MTMR7: variants seen among roughly 807,000 people sequenced by gnomAD.
MTMR7 encodes the protein myotubularin related protein 7, also known as phosphatidylinositol-3-phosphate phosphatase MTMR7.
MTMR7 carries 76 observed loss-of-function variants against 81.2 expected under a neutral mutation model. That is an observed-to-expected ratio of 0.94 (90% CI 0.78 to 1.13). MTMR7 has a LOEUF of 1.13. Among genes scored for constraint, MTMR7 ranks in the 50% most tolerant of loss-of-function variants. The probability of loss-of-function intolerance (pLI) is 0.00; values close to 1 mark genes in which losing one functional copy is unlikely to be tolerated. For missense variants in MTMR7, 1,044 were observed against 820.0 expected (o/e 1.27, Z -3.34); for synonymous variants, 372 against 289.8 (o/e 1.28, Z -2.88).
intron 6 of MTMR7, among the ~76,000 whole-genome samples, chr8:17,332,524 G>A (rs146616681): frequency 5.9e-5 from 9 of 152,300 alleles, no homozygotes; most frequent in African/African-American, 1.9e-4. Flanking sequence ...ATGCTCTGAG[G>A]CTTACGATGG....
intron 7 of MTMR7, among the ~76,000 whole-genome samples, chr8:17,314,812 G>A (rs1191397910): frequency 6.6e-6 from 1 of 152,138 alleles, no homozygotes; most frequent in Non-Finnish European, 1.5e-5. Flanking sequence ...ATATGCAGTC[G>A]GTGAAGGGAC....
chr8:17,303,971 C>A (rs1033074453), intron 12 of MTMR7, among the ~76,000 whole-genome samples: 1 of 152,162 alleles, frequency 6.6e-6, no homozygotes, highest in African/African-American at 2.4e-5. Context: ...AAAGTAATTG[C>A]GGTTTTTGCC....
intron 7 of MTMR7, among the ~76,000 whole-genome samples, chr8:17,315,281 C>T (rs1005344303): frequency 6.6e-6 from 1 of 151,964 alleles, no homozygotes; most frequent in South Asian, 2.1e-4. Flanking sequence ...ATATGACCTC[C>T]TAGAAAAGGC....
At chr8:17,343,437 AAG>A (rs555095639) in intron 5 of MTMR7, among the ~76,000 whole-genome samples, 31 of 152,294 alleles carry the variant, frequency 2.0e-4, no homozygotes, top group African/African-American at 6.7e-4. Context: ...CGAAAAAAAA[AAG>A]AAATATTAGT....
intron 1 of MTMR7, among the ~76,000 whole-genome samples, chr8:17,399,343 C>T (rs1585122936): frequency 6.6e-6 from 1 of 151,972 alleles, no homozygotes; most frequent in East Asian, 1.9e-4. Context: ...CAACAGTGAA[C>T]AATGTGAAAA....
intron 7 of MTMR7, among the ~76,000 whole-genome samples, chr8:17,330,010 T>G (rs570974826): frequency 6.6e-6 from 1 of 152,214 alleles, no homozygotes; most frequent in African/African-American, 2.4e-5. Flanking sequence ...ATAGAAAGTA[T>G]TGGCCTAATC....
chr8:17,408,854 T>C (rs1037901400), intron 1 of MTMR7, among the ~76,000 whole-genome samples: 4 of 152,168 alleles, frequency 2.6e-5, no homozygotes, highest in African/African-American at 9.6e-5. Flanking sequence ...TACTAATGGA[T>C]TTCTTTTGGG....
intron 7 of MTMR7, among the ~76,000 whole-genome samples, chr8:17,330,102 A>C (rs1320932895): frequency 1.3e-5 from 2 of 152,216 alleles, no homozygotes; most frequent in East Asian, 1.9e-4. Context: ...GATGAACCAG[A>C]AAGTCCAGGA....
At chr8:17,332,183 T>C (rs1208724479) in intron 6 of MTMR7, among the ~76,000 whole-genome samples, 1 of 152,094 alleles carries the variant, frequency 6.6e-6, no homozygotes, top group Admixed American at 6.5e-5. Flanking sequence ...ACAGGAGGGC[T>C]AACCCAGGCA....
intron 5 of MTMR7, among the ~76,000 whole-genome samples, chr8:17,343,058 C>A (rs1819449517): frequency 6.6e-6 from 1 of 152,064 alleles, no homozygotes; most frequent in African/African-American, 2.4e-5. Flanking sequence ...GGGTCTGCCA[C>A]CTGCTCAGAG....
intron 9 of MTMR7, among the ~76,000 whole-genome samples, chr8:17,310,239 A>G (rs1270793472): frequency 6.6e-6 from 1 of 151,994 alleles, no homozygotes; most frequent in Admixed American, 6.6e-5. Flanking sequence ...GGGCTCCAGC[A>G]AGCCTCCCTC....
chr8:17,388,535 T>C (rs1435539625), intron 1 of MTMR7, among the ~76,000 whole-genome samples: 2 of 152,196 alleles, frequency 1.3e-5, no homozygotes, highest in Admixed American at 6.5e-5. Context: ...AGAGGCTCAT[T>C]TGATTATGAT....
At chr8:17,382,947 T>A (rs746131078) in intron 1 of MTMR7, among the ~76,000 whole-genome samples, 4 of 152,054 alleles carry the variant, frequency 2.6e-5, no homozygotes, top group African/African-American at 9.7e-5. Flanking sequence ...GTGCAGGGCA[T>A]TGGCTGTAAG....
intron 10 of MTMR7, among the ~76,000 whole-genome samples, chr8:17,307,985 T>C (rs1055854679): frequency 2.0e-5 from 3 of 151,936 alleles, no homozygotes; most frequent in East Asian, 1.9e-4. Context: ...CATGTATATA[T>C]ATGTAACAAA....
intron 11 of MTMR7, 22 bp from the exon 12 acceptor site, chr8:17,304,541 T>C (rs781700258): frequency 2.5e-6 from 4 of 1,605,638 alleles, no homozygotes; most frequent in East Asian, 4.5e-5. Context: ...AAAATAAGTC[T>C]ATAAATGACC....
At chr8:17,406,874 T>C (rs78801489) in intron 1 of MTMR7, among the ~76,000 whole-genome samples, 2,786 of 152,174 alleles carry the variant, frequency 0.018, 154 homozygotes, top group Admixed American at 0.11. Context: ...AGGCCACATA[T>C]TGTATGATTA....
chr8:17,326,561 G>A (rs1033397763), intron 7 of MTMR7: 15 of 152,192 alleles, frequency 9.9e-5, no homozygotes, highest in Non-Finnish European at 2.1e-4. Context: ...TTTGTAACGT[G>A]ATACTGGAAA....
At position 17,359,538 on chromosome 8, in the gene MTMR7, C is replaced by A. The variant is rs559639854; in HGVS notation, c.468+1579G>T. ...GAGTTTGAGACTGCAGTGAGCTATA[C>A]TGCACTGTACTCTAGCCTGGGTAAC... is the stretch of plus-strand genomic sequence containing the variant. On this transcript the variant is annotated intron_variant, in intron 4 of 13. Transcript: ENST00000180173. 1.0e-3 allele frequency among the ~76,000 whole-genome samples: 152 copies of A among 148,642 alleles called. 1 individual carries two copies. Among genetic ancestry groups the A allele is most frequent in the Non-Finnish European group, 1.5e-3 (105 of 67,796 alleles).
At chr8:17,383,461 A>G (rs968716955) in intron 1 of MTMR7, among the ~76,000 whole-genome samples, 2 of 152,200 alleles carry the variant, frequency 1.3e-5, no homozygotes, top group Non-Finnish European at 2.9e-5. Context: ...ATGAAAAATC[A>G]ATCAACTGCC....
Sources: allele counts gnomAD v4.1 joint callset (sites outside exome capture counted in the v4.1 genomes callset), GRCh38; gene constraint gnomAD v4.1.1; transcripts MANE v1.5; gene names NCBI Gene and HGNC (gene_info 2026-07-23, HGNC 2026-07-21).